Variants in TECRL observed in about 807,000 individuals in gnomAD.
TECRL encodes trans-2,3-enoyl-CoA reductase like.
A neutral mutation model predicts 52.8 loss-of-function variants in TECRL; 63 were observed. The observed-to-expected ratio is 1.19, with a 90% CI of 0.97 to 1.47. The LOEUF (loss-of-function observed/expected upper bound fraction) is 1.47, where lower values mean the gene tolerates loss of function less well. Ranked by LOEUF, TECRL falls within the 40% of genes most tolerant of loss-of-function variation. TECRL has a pLI of 0.00. For synonymous variants in TECRL, 164 were observed against 141.9 expected (o/e 1.16, Z -1.10); for missense variants, 482 against 429.6 (o/e 1.12, Z -1.08).
intron 2 of TECRL, among the ~76,000 whole-genome samples, chr4:64,329,610 G>T (rs1718492230): frequency 6.6e-6 from 1 of 151,722 alleles, no homozygotes; most frequent in Admixed American, 6.6e-5. Flanking sequence ...TAACTATCTA[G>T]AAAATATGTT....
At chr4:64,309,351 A>G (rs1414940295) in intron 6 of TECRL, among the ~76,000 whole-genome samples, 1 of 152,038 alleles carries the variant, frequency 6.6e-6, no homozygotes, top group East Asian at 1.9e-4. Flanking sequence ...TATTTTACAT[A>G]TTTTTTCATG....
chr4:64,305,862 G>A (rs1362912296), intron 6 of TECRL, among the ~76,000 whole-genome samples: 1 of 152,118 alleles, frequency 6.6e-6, no homozygotes, highest in Non-Finnish European at 1.5e-5. Flanking sequence ...CCACATAAAA[G>A]ACTGAGGACT....
chr4:64,337,880 C>T (rs1719233310), intron 2 of TECRL, among the ~76,000 whole-genome samples: 1 of 152,080 alleles, frequency 6.6e-6, no homozygotes, highest in Non-Finnish European at 1.5e-5. Flanking sequence ...AGATTCAATG[C>T]CATCCCCATC....
chr4:64,367,241 G>A, intron 2 of TECRL, among the ~76,000 whole-genome samples: 1 of 34,334 alleles, frequency 2.9e-5, no homozygotes, highest in South Asian at 4.2e-3. Flanking sequence ...CTTGAGGGTG[G>A]AGGTTTGAAG....
intron 4 of TECRL, among the ~76,000 whole-genome samples, chr4:64,319,455 A>G (rs1717741090): frequency 6.6e-6 from 1 of 151,848 alleles, no homozygotes; most frequent in African/African-American, 2.4e-5. Flanking sequence ...GATAAATTAG[A>G]CTGCATTAAA....
intron 1 of TECRL, among the ~76,000 whole-genome samples, chr4:64,407,485 ATG>A (rs35563807): frequency 0.22 from 33,077 of 148,366 alleles, 3,815 homozygotes; most frequent in South Asian, 0.37. Flanking sequence ...ACTAATTGGC[ATG>A]TGTGTGTGTG....
chr4:64,317,948 TCATCTCC>T (rs1717621711), intron 4 of TECRL, among the ~76,000 whole-genome samples: 1 of 152,158 alleles, frequency 6.6e-6, no homozygotes, highest in African/African-American at 2.4e-5. Flanking sequence ...CAGTTGTTCA[TCATCTCC>T]AAAGGATGAA....
chr4:64,281,012 G>T (rs1052321306), intron 11 of TECRL, 29 bp downstream of exon 11: 17 of 1,530,838 alleles, frequency 1.1e-5, no homozygotes, highest in Middle Eastern at 1.7e-4. Flanking sequence ...CATTTATTTT[G>T]ATTAATTATC....
chr4:64,368,217 T>C (rs561229212), intron 2 of TECRL, among the ~76,000 whole-genome samples: 156 of 148,560 alleles, frequency 1.1e-3, no homozygotes, highest in African/African-American at 3.8e-3. Context: ...CATGAATAAT[T>C]TGGCAAATTA....
At chr4:64,387,931 A>G (rs1235619750) in intron 1 of TECRL, among the ~76,000 whole-genome samples, 1 of 151,806 alleles carries the variant, frequency 6.6e-6, no homozygotes, top group Non-Finnish European at 1.5e-5. Flanking sequence ...CTTTTATCAG[A>G]TAAGACTTTT....
At chr4:64,334,122 C>T (rs1465028976) in intron 2 of TECRL, among the ~76,000 whole-genome samples, 3 of 151,396 alleles carry the variant, frequency 2.0e-5, no homozygotes, top group Non-Finnish European at 4.4e-5. Context: ...TTGTTATACT[C>T]CTTCTAAACA....
At chr4:64,405,254 A>G (rs2109792789) in intron 1 of TECRL, among the ~76,000 whole-genome samples, 1 of 152,294 alleles carries the variant, frequency 6.6e-6, no homozygotes, top group South Asian at 2.1e-4. Flanking sequence ...AAATGATATT[A>G]TCTGCCAGGA....
At chr4:64,346,319 C>G in intron 2 of TECRL, among the ~76,000 whole-genome samples, 1 of 152,216 alleles carries the variant, frequency 6.6e-6, no homozygotes, top group East Asian at 1.9e-4. Context: ...CCAGTGAGTA[C>G]TTTGTGTGGT....
chr4:64,353,871 C>CA (rs1375152664), intron 2 of TECRL, among the ~76,000 whole-genome samples: 1 of 151,730 alleles, frequency 6.6e-6, no homozygotes, highest in East Asian at 1.9e-4. Flanking sequence ...TATAAGAGAC[C>CA]AAAAAACGAT....
chr4:64,278,928 A>G lies in TECRL; in HGVS notation c.*1144T>C, dbSNP rs1320174007. 6.6e-6 allele frequency: 1 copy of G among 152,188 alleles called. No homozygotes were observed. Among genetic ancestry groups the G allele is most frequent in the East Asian group, 1.9e-4 (1 of 5,234 alleles). 9.4% of individuals were successfully genotyped at this position (152,188 alleles called of 1,614,324 possible). A position where few individuals can be genotyped will look rare whatever the true frequency, so the allele number is the denominator to read the frequency against. ...CTCCAATTCCATCCATGTTGTCCTG[A>G]ATGACAGGAATTCAGTTTTTATGGC... On this transcript the variant is annotated 3_prime_UTR_variant, in exon 12 of 12. Transcript: ENST00000381210.
chr4:64,394,554 C>T lies in TECRL; in HGVS notation c.234+14564G>A, dbSNP rs151126451. On this transcript the variant is annotated intron_variant, in intron 1 of 11. Coordinates refer to ENST00000381210, the MANE Select transcript of TECRL (RefSeq NM_001010874.5). ...TGGCATAAGATATATATTTTACATA[C>T]ATTTTACAAATGAAAATACTGTGAC... 9.5e-3 allele frequency among the ~76,000 whole-genome samples: 1,447 copies of T among 152,208 alleles called. 25 individuals carry two copies. The highest frequency in any genetic ancestry group is 0.033 in the African/African-American group (1,360 of 41,516).
intron 1 of TECRL, among the ~76,000 whole-genome samples, chr4:64,385,496 C>T (rs765815380): frequency 1.3e-5 from 2 of 152,082 alleles, no homozygotes; most frequent in Non-Finnish European, 2.9e-5. Context: ...CCTCCTGTTT[C>T]CTGGGACACA....
In TECRL at chr4:64,328,495, T is replaced by G. The variant is rs769091912; in HGVS notation, c.331+17A>C. 1 of 1,607,168 alleles carries G rather than the reference T, an allele frequency of 6.2e-7. No homozygotes were observed. Among genetic ancestry groups the G allele is most frequent in the Non-Finnish European group, 8.5e-7 (1 of 1,175,076 alleles). Reference sequence around the variant, plus strand: ...ATTATAAATTAAATAAACACATCAGTGAAAAATGCTTCTTACCACATTCTA... The same window carrying G: ...ATTATAAATTAAATAAACACATCAGGGAAAAATGCTTCTTACCACATTCTA... On this transcript the variant is annotated intron_variant, in intron 3 of 11. Coordinates refer to ENST00000381210, the MANE Select transcript of TECRL (RefSeq NM_001010874.5).
At chr4:64,394,094 G>C (rs560852541) in intron 1 of TECRL, among the ~76,000 whole-genome samples, 1 of 152,074 alleles carries the variant, frequency 6.6e-6, no homozygotes, top group Admixed American at 6.6e-5. Flanking sequence ...GGCAAAATAA[G>C]ATAAATAAAA....
Sources: gnomAD v4.1 joint callset for allele counts (sites outside exome capture counted in the v4.1 genomes callset) on GRCh38, gnomAD v4.1.1 for gene constraint, MANE v1.5 for transcripts, NCBI Gene and HGNC (gene_info 2026-07-23, HGNC 2026-07-21) for gene names.